The following BRF1 variants were observed in gnomAD, a reference collection of about 807,000 sequenced individuals.
BRF1 encodes BRF1 general transcription factor IIIB subunit, also known as transcription factor IIIB 90 kDa subunit.
BRF1 carries 59 observed loss-of-function variants against 81.7 expected under a neutral mutation model. The ratio of observed to expected loss-of-function variants is 0.72; its 90% confidence interval spans 0.59 to 0.90. The LOEUF is 0.90. Ranked by LOEUF, BRF1 falls within the 40% of genes least tolerant of loss-of-function variation. The probability of loss-of-function intolerance (pLI) is 0.00; values close to 1 mark genes in which losing one functional copy is unlikely to be tolerated. For synonymous variants in BRF1, 491 were observed against 395.6 expected, an observed-to-expected ratio of 1.24 and a Z score of -2.86; for missense variants, 1,050 against 936.3, an observed-to-expected ratio of 1.12 and a Z score of -1.58.
intron 5 of BRF1, chr14:105,249,714 T>C: frequency 6.2e-7 from 1 of 1,613,810 alleles, no homozygotes; most frequent in Non-Finnish European, 8.5e-7. Flanking sequence ...AAGAAGTACA[T>C]CGTCCCAGCA....
chr14:105,241,553 A>G, intron 5 of BRF1, 139 bp from the exon 6 acceptor site: 1 of 1,130,878 alleles, frequency 8.8e-7, no homozygotes, highest in East Asian at 2.6e-5. Context: ...CCTCCCCTGG[A>G]CAAAGCCTCT....
In BRF1 at chr14:105,284,457, C is replaced by A. The variant is rs587677753; in HGVS notation, c.265+1839G>T. On this transcript the variant is annotated intron_variant, in intron 2 of 17. Coordinates refer to ENST00000547530, the MANE Select transcript of BRF1 (RefSeq NM_001519.4). The surrounding 1 kb of genome is among the most constrained non-coding windows in gnomAD (Gnocchi z 4.0). Reference sequence around the variant, plus strand: ...CAGCAGCCAGGAGCAGAGGCAGGTGCTCAAGAGCCCGGCCTCCTGGAGATG... The same window carrying A: ...CAGCAGCCAGGAGCAGAGGCAGGTGATCAAGAGCCCGGCCTCCTGGAGATG... 6.6e-6 allele frequency among the ~76,000 whole-genome samples: 1 copy of A among 152,288 alleles called. No homozygotes were observed. Among genetic ancestry groups the A allele is most frequent in the Non-Finnish European group, 1.5e-5 (1 of 68,016 alleles).
intron 5 of BRF1, chr14:105,249,339 G>A (rs368190078): frequency 5.0e-6 from 8 of 1,604,526 alleles, no homozygotes; most frequent in African/African-American, 4.0e-5. Flanking sequence ...CCAGGCTCAC[G>A]GCGGCGCTTT....
At chr14:105,220,923 G>T (rs1022692631) in intron 11 of BRF1, among the ~76,000 whole-genome samples, 14 of 152,202 alleles carry the variant, frequency 9.2e-5, no homozygotes, top group African/African-American at 3.1e-4. Context: ...CAGGGCCTGT[G>T]CATGTCCCCT....
intron 1 of BRF1, among the ~76,000 whole-genome samples, chr14:105,295,210 T>C (rs1321626766): frequency 6.9e-6 from 1 of 143,936 alleles, no homozygotes; most frequent in Non-Finnish European, 1.5e-5. Context: ...CTCATGCCGC[T>C]AATCCCAGCA....
chr14:105,219,257 C>T, intron 12 of BRF1, 25 bp from the exon 13 acceptor site: 1 of 1,608,026 alleles, frequency 6.2e-7, no homozygotes, highest in Non-Finnish European at 8.5e-7. Context: ...GGAAGTGGGG[C>T]TGGCTTTTAG....
chr14:105,241,567 A>T, intron 5 of BRF1, 153 bp from the exon 6 acceptor site: 2 of 996,432 alleles, frequency 2.0e-6, no homozygotes, highest in Non-Finnish European at 2.9e-6. Flanking sequence ...AGCCTCTCTG[A>T]CCCTCAGCTA....
intron 5 of BRF1, chr14:105,250,170 A>G (rs2055514700): frequency 6.2e-7 from 1 of 1,612,956 alleles, no homozygotes; most frequent in African/African-American, 1.3e-5. Flanking sequence ...ACGGCCACCA[A>G]CAAGCCCCGC....
intron 15 of BRF1, chr14:105,212,543 C>T: frequency 8.6e-6 from 2 of 231,898 alleles, no homozygotes; most frequent in South Asian, 6.7e-5. Flanking sequence ...TTCCCCAACC[C>T]TCACCAGGCC....
intron 1 of BRF1, among the ~76,000 whole-genome samples, chr14:105,299,227 C>T (rs1054055115): frequency 2.0e-5 from 3 of 151,952 alleles, no homozygotes; most frequent in African/African-American, 7.3e-5. Flanking sequence ...GGGCTTGTAA[C>T]TACAATCCAC....
intron 15 of BRF1, among the ~76,000 whole-genome samples, chr14:105,215,142 C>T (rs954522904): frequency 4.6e-5 from 7 of 152,172 alleles, no homozygotes; most frequent in African/African-American, 1.4e-4. Flanking sequence ...AAGCAGTGCA[C>T]GAACACGCAG....
chr14:105,209,852 A>C lies in BRF1; in HGVS notation c.*699T>G. On this transcript the variant is annotated 3_prime_UTR_variant, in exon 18 of 18. Coordinates refer to ENST00000547530, the MANE Select transcript of BRF1 (RefSeq NM_001519.4). ...GCAGGGCTCCTGGGCCCACAACTCA[A>C]GTGGCCCTGGAGCAGGGGTCTGACC... 8.5e-6 allele frequency: 4 copies of C among 471,946 alleles called. No individual in the cohort carries two copies. Among genetic ancestry groups the C allele is most frequent in the Non-Finnish European group, 1.1e-5 (3 of 268,044 alleles). 29.2% of individuals were successfully genotyped at this position (471,946 alleles called of 1,614,324 possible). A position where few individuals can be genotyped will look rare whatever the true frequency, so the allele number is the denominator to read the frequency against.
At chr14:105,217,941 C>CA in intron 14 of BRF1, 141 bp from the exon 15 acceptor site, 4 of 1,358,932 alleles carry the variant, frequency 2.9e-6, no homozygotes, top group Non-Finnish European at 3.9e-6. Flanking sequence ...CTCCTCCCCC[C>CA]AGAATGTGGG....
chr14:105,273,445 C>A (rs1008967259), intron 2 of BRF1, among the ~76,000 whole-genome samples: 10 of 152,232 alleles, frequency 6.6e-5, no homozygotes, highest in African/African-American at 2.4e-4. Flanking sequence ...ATCCCCTGCA[C>A]CTGCCCAGAG....
rs1595325674 is a variant in BRF1 at position 105,228,829 on chromosome 14, A to G, written c.779T>C (p.Leu260Pro). The change falls in exon 7 of 18, where the codon CTG becomes CCG. Residue 260 changes from leucine (L) to proline (P), a missense_variant. Physicochemically the swap from Leu to Pro is moderately conservative, Grantham distance 98. Coordinates refer to ENST00000547530, the MANE Select transcript of BRF1 (RefSeq NM_001519.4). ...ISVVKVCEST[L>P]RKRLTEFEDT... The stretch of plus-strand genomic sequence containing the variant: ...AATGAGAGCCCCTCACCTCTTCCGC[A>G]GCGTGGACTCACACACTTTGACCAC... 2 of 1,613,936 alleles carry G rather than the reference A, an allele frequency of 1.2e-6. No individual in the cohort carries two copies. The highest frequency in any genetic ancestry group is 1.7e-6 in the Non-Finnish European group (2 of 1,180,006).
At chr14:105,229,407 G>C (rs587652328) in intron 6 of BRF1, among the ~76,000 whole-genome samples, 2 of 152,236 alleles carry the variant, frequency 1.3e-5, no homozygotes, top group African/African-American at 2.4e-5. Flanking sequence ...ATCCTGCAGC[G>C]CAGGGATGCC....
intron 1 of BRF1, among the ~76,000 whole-genome samples, chr14:105,291,207 C>T (rs1191211062): frequency 4.6e-5 from 7 of 152,236 alleles, no homozygotes; most frequent in South Asian, 4.1e-4. Context: ...GGCCAGAGGC[C>T]GCAGGGGCAC....
intron 7 of BRF1, 105 bp downstream of exon 7, chr14:105,228,715 G>A (rs928146886): frequency 6.1e-6 from 8 of 1,312,124 alleles, no homozygotes; most frequent in East Asian, 2.3e-5. Flanking sequence ...AGCCAGGCGG[G>A]GGACGGCAGG....
chr14:105,216,095 GCA>G (rs1891237810), intron 15 of BRF1, among the ~76,000 whole-genome samples: 1 of 147,500 alleles, frequency 6.8e-6, no homozygotes. Context: ...TACTGCATGC[GCA>G]CAGACACAGG....
Sources: allele counts gnomAD v4.1 joint callset (sites outside exome capture counted in the v4.1 genomes callset), GRCh38; gene constraint gnomAD v4.1.1; non-coding constraint Gnocchi (gnomAD v3.1); transcripts MANE v1.5; gene names NCBI Gene and HGNC (gene_info 2026-07-23, HGNC 2026-07-21).